S100PBP: variants seen among roughly 807,000 people sequenced by gnomAD.
The protein encoded by S100PBP is S100P-binding protein.
A neutral mutation model predicts 39.9 loss-of-function variants in S100PBP; 15 were observed. The ratio of observed to expected loss-of-function variants is 0.38; its 90% CI spans 0.25 to 0.58. The LOEUF (loss-of-function observed/expected upper bound fraction) is 0.58. Among genes scored for constraint, S100PBP ranks in the 20% least tolerant of loss-of-function variants. The pLI, the probability that S100PBP is intolerant of heterozygous loss-of-function variation, is 0.70. For synonymous variants in S100PBP, 178 were observed against 180.3 expected (o/e 0.99, Z 0.10); for missense variants, 504 against 487.3 (o/e 1.03, Z -0.32).
chr1:32,826,700 A>G lies in S100PBP; in HGVS notation c.601A>G (p.Ser201Gly), dbSNP rs145876761. ...ACTTTGTACTGAATCTGAAGGGATC[A>G]GCCCCAATAACTCTGCCTGGAATGG... ...SKLCTESEGI[S>G]PNNSAWNGPQ... The change falls in exon 3 of 7, where the codon AGC (serine) becomes GGC (glycine). Residue 201 changes from serine (S) to glycine (G), a missense_variant. By Grantham distance (56) the Ser-to-Gly change is moderately conservative. Transcript: ENST00000373475. 3 of 1,614,184 alleles carry G rather than the reference A, an allele frequency of 1.9e-6. No homozygotes were observed. Among genetic ancestry groups the G allele is most frequent in the Admixed American group, 1.7e-5 (1 of 60,018 alleles).
chr1:32,843,619 A>G (rs550720839), intron 5 of S100PBP, among the ~76,000 whole-genome samples: 1 of 152,134 alleles, frequency 6.6e-6, no homozygotes, highest in African/African-American at 2.4e-5. Context: ...GTATCTGGCT[A>G]ATTTTGTACT....
intron 5 of S100PBP, among the ~76,000 whole-genome samples, chr1:32,849,649 A>G (rs2148690654): frequency 6.6e-6 from 1 of 152,324 alleles, no homozygotes; most frequent in South Asian, 2.1e-4. Context: ...GAAAATTAAA[A>G]TTTTTTGGTA....
At chr1:32,829,628 A>C (rs1007033195) in intron 4 of S100PBP, among the ~76,000 whole-genome samples, 3 of 152,068 alleles carry the variant, frequency 2.0e-5, no homozygotes, top group Non-Finnish European at 4.4e-5. Flanking sequence ...ATGTCCAGCT[A>C]ATTTTTTAAA....
intron 5 of S100PBP, among the ~76,000 whole-genome samples, chr1:32,849,413 AT>A (rs1248747692): frequency 6.6e-6 from 1 of 152,054 alleles, no homozygotes; most frequent in Non-Finnish European, 1.5e-5. Flanking sequence ...CTGGGAAAGT[AT>A]TTTTTTCTAA....
At chr1:32,838,594 G>A (rs778646515) in intron 5 of S100PBP, among the ~76,000 whole-genome samples, 13 of 152,104 alleles carry the variant, frequency 8.5e-5, no homozygotes, top group Non-Finnish European at 1.6e-4. Flanking sequence ...TGTAATCCCA[G>A]CACTTTGGGA....
At chr1:32,848,164 G>A (rs1215323953) in intron 5 of S100PBP, among the ~76,000 whole-genome samples, 2 of 151,990 alleles carry the variant, frequency 1.3e-5, no homozygotes, top group South Asian at 2.1e-4. Context: ...AAAATTAGCC[G>A]AGTATGGTGG....
intron 5 of S100PBP, among the ~76,000 whole-genome samples, chr1:32,851,849 T>C (rs1017372489): frequency 2.0e-5 from 3 of 152,176 alleles, no homozygotes; most frequent in East Asian, 1.9e-4. Context: ...ATACCTCCAG[T>C]TGATTATAAT....
rs756300537 is a variant in S100PBP, at chr1:32,826,416, C to T, written c.317C>T (p.Pro106Leu). 2 of 1,614,026 alleles carry T rather than the reference C, an allele frequency of 1.2e-6. No individual in the cohort carries two copies. Among genetic ancestry groups the T allele is most frequent in the Non-Finnish European group, 1.7e-6 (2 of 1,180,006 alleles). ...REKNSSYSLGPVAETPDLFKL... is the reference protein window; with the variant it reads ...REKNSSYSLGLVAETPDLFKL... ...AAAAATTCATCGTACAGCCTGGGAC[C>T]AGTAGCTGAGACTCCTGACCTCTTC... The change falls in exon 3 of 7, where the codon CCA (proline) becomes CTA (leucine). Residue 106 changes from proline to leucine, a missense_variant. Transcript: ENST00000373475.
chr1:32,826,499 A>C lies in S100PBP; in HGVS notation c.400A>C (p.Asn134His), dbSNP rs755562696. 6.2e-7 allele frequency: 1 copy of C among 1,614,144 alleles called. No individual in the cohort carries two copies. The highest frequency in any genetic ancestry group is 1.1e-5 in the South Asian group (1 of 91,082). Residue 134 changes from asparagine (N) to histidine (H), a missense_variant, in exon 3 of 7, where the codon AAC (asparagine) becomes CAC (histidine). By Grantham distance (68) the Asn-to-His change is moderately conservative (BLOSUM62 1). Transcript: ENST00000373475. ...TGGACCAGCTCATACTAAACCATTAAACAGACGCTCTGTACTAGAAAAGAA... is the reference window on the plus strand; with the variant it reads ...TGGACCAGCTCATACTAAACCATTACACAGACGCTCTGTACTAGAAAAGAA... ...GHGPAHTKPL[N>H]RRSVLEKNLI...
In S100PBP at chr1:32,822,887, G is replaced by T. The variant is rs558020487; in HGVS notation, c.-119-2426G>T. On this transcript the variant is annotated intron_variant, in intron 1 of 6. Coordinates refer to ENST00000373475, the MANE Select transcript of S100PBP (RefSeq NM_022753.4). Reference sequence around the variant, plus strand: ...GTGGCTTAAAATATTTTTTCCAAGAGACCAAAAGCCCTCTTTGGTCTTTAC... The same window carrying T: ...GTGGCTTAAAATATTTTTTCCAAGATACCAAAAGCCCTCTTTGGTCTTTAC... 2.0e-5 allele frequency among the ~76,000 whole-genome samples: 3 copies of T among 152,192 alleles called. No homozygotes were observed. The South Asian group carries it at 6.2e-4, about 32-fold the overall frequency.
At chr1:32,855,903 G>T (rs1191695716) in intron 6 of S100PBP, 21 bp from the exon 7 acceptor site, 2 of 1,568,272 alleles carry the variant, frequency 1.3e-6, no homozygotes, top group Non-Finnish European at 1.8e-6. Flanking sequence ...CTTCCTGTTT[G>T]TACTCTCCCT....
chr1:32,850,552 T>A (rs940065894), intron 5 of S100PBP, among the ~76,000 whole-genome samples: 4 of 152,252 alleles, frequency 2.6e-5, no homozygotes, highest in African/African-American at 9.6e-5. Flanking sequence ...CAGTAATGCC[T>A]TTTCTTTCCA....
Position 32,826,594 on chromosome 1 carries a change from T to C in S100PBP, c.495T>C (p.Thr165=), listed in dbSNP as rs777229527. ...ATGCTCTGCTTGATAAGGACGAGAC[T>C]GATTCGTCCAAAGATACTGAAAAAC... ...VCDALLDKDE[T]DSSKDTEKLS... Residue 165 remains threonine, a synonymous_variant, in exon 3 of 7, where the codon ACT becomes ACC. Transcript: ENST00000373475. 2 of 1,613,822 alleles carry C rather than the reference T, an allele frequency of 1.2e-6. No homozygotes were observed. Among genetic ancestry groups the C allele is most frequent in the East Asian group, 4.5e-5 (2 of 44,880 alleles).
chr1:32,829,676 C>T (rs971809894), intron 4 of S100PBP, among the ~76,000 whole-genome samples: 1 of 152,150 alleles, frequency 6.6e-6, no homozygotes, highest in Non-Finnish European at 1.5e-5. Context: ...CCTGACTGGT[C>T]TCAAATTCCT....
chr1:32,846,459 A>G (rs1236350296), intron 5 of S100PBP, among the ~76,000 whole-genome samples: 22 of 151,614 alleles, frequency 1.5e-4, no homozygotes. Context: ...TAAATCTGCC[A>G]TCGTGTTACT....
chr1:32,836,767 A>G (rs561687066), intron 5 of S100PBP: 126 of 168,766 alleles, frequency 7.5e-4, no homozygotes, highest in African/African-American at 2.9e-3. Flanking sequence ...CTTGGATCCT[A>G]TATCTTCCTC....
chr1:32,837,017 T>C (rs1639849267), intron 5 of S100PBP: 1 of 151,314 alleles, frequency 6.6e-6, no homozygotes. Context: ...GGTGGGCGGA[T>C]CCCAAGGTCA....
At chr1:32,819,836 C>T (rs1255475304) in intron 1 of S100PBP, among the ~76,000 whole-genome samples, 2 of 152,094 alleles carry the variant, frequency 1.3e-5, no homozygotes, top group Admixed American at 6.5e-5. Context: ...TATTTTTTCT[C>T]ATGATAATCT....
At chr1:32,848,212 CAGG>C (rs1385957460) in intron 5 of S100PBP, among the ~76,000 whole-genome samples, 1 of 152,004 alleles carries the variant, frequency 6.6e-6, no homozygotes, top group African/African-American at 2.4e-5. Flanking sequence ...GAGGCTGAGG[CAGG>C]AGAATTGCTT....
Sources: allele counts gnomAD v4.1 joint callset (sites outside exome capture counted in the v4.1 genomes callset), GRCh38; gene constraint gnomAD v4.1.1; transcripts MANE v1.5; gene names NCBI Gene and HGNC (gene_info 2026-07-23, HGNC 2026-07-21).